UBE2O: variants seen among roughly 807,000 people sequenced by gnomAD.
UBE2O encodes (E3-independent) E2 ubiquitin-conjugating enzyme.
Under a neutral mutation model 125.8 loss-of-function variants are expected in UBE2O, and 15 were observed. The ratio of observed to expected loss-of-function variants is 0.12; its 90% CI spans 0.08 to 0.18. The LOEUF is 0.18. Among genes scored for constraint, UBE2O ranks in the 10% least tolerant of loss-of-function variants. UBE2O has a pLI of 1.00. For missense variants in UBE2O, 1,280 were observed against 1,723.6 expected, an observed-to-expected ratio of 0.74 and a Z score of 4.56; for synonymous variants, 708 against 703.2, an observed-to-expected ratio of 1.01 and a Z score of -0.11.
At chr17:76,403,277 TA>T (rs778598797) in intron 3 of UBE2O, among the ~76,000 whole-genome samples, 3 of 152,134 alleles carry the variant, frequency 2.0e-5, no homozygotes, top group African/African-American at 4.8e-5. Flanking sequence ...ACTTTATTAT[TA>T]TTTTTTTTAG....
intron 5 of UBE2O, among the ~76,000 whole-genome samples, chr17:76,401,473 T>G (rs937629002): frequency 6.6e-6 from 1 of 152,226 alleles, no homozygotes; most frequent in South Asian, 2.1e-4. Flanking sequence ...TATATCTACT[T>G]GTTTGCTGTG....
Position 76,450,004 on chromosome 17 carries a change from T to C in UBE2O, c.417+2721A>G, listed in dbSNP as rs192746119. On this transcript the variant is annotated intron_variant, in intron 1 of 17. Coordinates refer to ENST00000319380, the MANE Select transcript of UBE2O (RefSeq NM_022066.4). ...TACCTGGGAGGCTGAGGCAGGAGGA[T>C]TGTGTGAGACCAGGAATTCAAGGAC... 1.3e-3 allele frequency among the ~76,000 whole-genome samples: 201 copies of C among 152,000 alleles called. 1 individual carries two copies. Among genetic ancestry groups the C allele is most frequent in the African/African-American group, 4.6e-3 (192 of 41,434 alleles).
In UBE2O at chr17:76,389,929, G is replaced by GCTT. The variant is rs778963286; in HGVS notation, c.*1011_*1013dup. 2.0e-5 allele frequency: 3 copies of GCTT among 152,516 alleles called. No individual in the cohort carries two copies. Among genetic ancestry groups the GCTT allele is most frequent in the Non-Finnish European group, 2.9e-5 (2 of 68,044 alleles). The allele number at this position is 152,516 out of a possible 1,614,324, so 9.4% of individuals were successfully genotyped here. On this transcript the variant is annotated 3_prime_UTR_variant, in exon 18 of 18. Transcript: ENST00000319380. The stretch of plus-strand genomic sequence containing the variant: ...CTCAACAGCATCCTCTCGGCCTGGA[G>GCTT]CTTCACATTATCAAAAGCTTAGAAA...
At position 76,410,197 on chromosome 17, in the gene UBE2O, C is replaced by T. The variant is rs1263930509; in HGVS notation, c.418-4625G>A. Among the ~76,000 whole-genome samples, 1 of 152,088 alleles carries T rather than the reference C, an allele frequency of 6.6e-6. No homozygotes were observed. The highest frequency in any genetic ancestry group is 1.5e-5 in the Non-Finnish European group (1 of 68,022). ...GCAAGATGGAAGCCCCTGAAGGCCT[C>T]CACTCAGAGCCCTGCCTGATGGTGA... On this transcript the variant is annotated intron_variant, in intron 1 of 17. Transcript: ENST00000319380. This position sits in a 1 kb window ranked among gnomAD's most constrained non-coding sequence, Gnocchi z 4.0.
chr17:76,424,346 T>C (rs1054018295), intron 1 of UBE2O, among the ~76,000 whole-genome samples: 6 of 151,014 alleles, frequency 4.0e-5, no homozygotes, highest in African/African-American at 1.5e-4. Flanking sequence ...GTAGCTGGGA[T>C]TACAAGTGTG....
chr17:76,426,838 A>T (rs1280803432), intron 1 of UBE2O, among the ~76,000 whole-genome samples: 1 of 152,116 alleles, frequency 6.6e-6, no homozygotes, highest in Admixed American at 6.5e-5. Flanking sequence ...TCTGGATACC[A>T]TTACTGTCCG....
At chr17:76,428,456 C>T (rs983849500) in intron 1 of UBE2O, among the ~76,000 whole-genome samples, 2 of 152,124 alleles carry the variant, frequency 1.3e-5, no homozygotes, top group African/African-American at 2.4e-5. Flanking sequence ...TTTTAATTTC[C>T]GAGAACTCTT....
rs371797000 is a variant in UBE2O, at chr17:76,410,375, G to A, written c.418-4803C>T. 5.3e-5 allele frequency among the ~76,000 whole-genome samples: 8 copies of A among 152,138 alleles called. No homozygotes were observed. The East Asian group carries it at 1.5e-3, about 29-fold the overall frequency. ...GACACTTTCGGTGGTCATAAAGGGT[G>A]GTGGGGGTTCTGGTATCTAGTGGGC... On this transcript the variant is annotated intron_variant, in intron 1 of 17. Transcript: ENST00000319380. The surrounding 1 kb of genome is among the most constrained non-coding windows in gnomAD (Gnocchi z 4.0).
At chr17:76,424,739 A>T (rs2072776212) in intron 1 of UBE2O, among the ~76,000 whole-genome samples, 1 of 151,888 alleles carries the variant, frequency 6.6e-6, no homozygotes, top group African/African-American at 2.4e-5. Flanking sequence ...GGATCCCTTA[A>T]GCCAGGTGTT....
chr17:76,412,541 C>G (rs1391654726), intron 1 of UBE2O, among the ~76,000 whole-genome samples: 1 of 152,100 alleles, frequency 6.6e-6, no homozygotes, highest in African/African-American at 2.4e-5. Flanking sequence ...TAACCAGCCT[C>G]TCTCCCTCCC....
chr17:76,397,294 G>A (rs776387974), intron 13 of UBE2O, among the ~76,000 whole-genome samples: 5 of 152,174 alleles, frequency 3.3e-5, no homozygotes, highest in African/African-American at 7.2e-5. Context: ...AGCCATTCCC[G>A]CCCCCACTCC....
Position 76,399,862 on chromosome 17 carries a change from C to G in UBE2O, c.1215G>C (p.Gln405His), listed in dbSNP as rs201152699. Residue 405 changes from glutamine (Q) to histidine (H), a missense_variant, in exon 9 of 18, where the codon CAG becomes CAC. Around this residue, in one of 10 missense-constraint regions of UBE2O, gnomAD observed 141 missense variants for 141.3 expected, o/e 1.00. Transcript: ENST00000319380. The surrounding 1 kb of genome is among the most constrained non-coding windows in gnomAD (Gnocchi z 6.9). ...VRIMSCSPDT[Q>H]CSRDHSMEDP... The stretch of plus-strand genomic sequence containing the variant: ...CTTCCATGGAATGGTCCCGGGAACA[C>G]TGGGTGTCTGGGGAGCATGACATGA... 3 of 1,613,734 alleles carry G rather than the reference C, an allele frequency of 1.9e-6. No homozygotes were observed. Among genetic ancestry groups the G allele is most frequent in the Non-Finnish European group, 2.5e-6 (3 of 1,179,822 alleles).
At chr17:76,447,312 A>C (rs1246375842) in intron 1 of UBE2O, among the ~76,000 whole-genome samples, 1 of 152,202 alleles carries the variant, frequency 6.6e-6, no homozygotes, top group African/African-American at 2.4e-5. Context: ...TGGGCAATTT[A>C]CTTAACCTCT....
intron 1 of UBE2O, among the ~76,000 whole-genome samples, chr17:76,406,692 G>T (rs1417583840): frequency 2.3e-4 from 16 of 70,916 alleles, no homozygotes; most frequent in South Asian, 5.7e-4. Flanking sequence ...AGCCCAAGTT[G>T]TTTTTTTTTT....
At chr17:76,416,032 T>TGTGTGTAC (rs2072604007) in intron 1 of UBE2O, among the ~76,000 whole-genome samples, 1 of 141,634 alleles carries the variant, frequency 7.1e-6, no homozygotes, top group African/African-American at 2.6e-5. Flanking sequence ...CACACACGTA[T>TGTGTGTAC]ATATGTGTGT....
At chr17:76,411,861 T>C (rs1253153604) in intron 1 of UBE2O, among the ~76,000 whole-genome samples, 2 of 152,016 alleles carry the variant, frequency 1.3e-5, no homozygotes, top group African/African-American at 2.4e-5. Context: ...TTTTATTTTT[T>C]TTGTAGAGAC....
At chr17:76,397,416 G>C (rs1386508833) in intron 13 of UBE2O, among the ~76,000 whole-genome samples, 1 of 152,206 alleles carries the variant, frequency 6.6e-6, no homozygotes, top group Non-Finnish European at 1.5e-5. Context: ...GGTGGGGCTA[G>C]AACTGGGTCG....
intron 1 of UBE2O, among the ~76,000 whole-genome samples, chr17:76,416,483 T>C (rs550654291): frequency 3.3e-5 from 5 of 152,272 alleles, no homozygotes; most frequent in South Asian, 2.1e-4. Flanking sequence ...TGTTCCCCTG[T>C]AGCTATGCTC....
intron 1 of UBE2O, among the ~76,000 whole-genome samples, chr17:76,435,417 T>TACACACACACACACACACACAC (rs59781051): frequency 4.2e-5 from 4 of 96,318 alleles, no homozygotes; most frequent in African/African-American, 8.6e-5. Context: ...CACACACACA[T>TACACACACACACACACACACAC]ACACACACAC....
Sources: gnomAD v4.1 joint callset for allele counts (sites outside exome capture counted in the v4.1 genomes callset) on GRCh38, gnomAD v4.1.1 for gene constraint, gnomAD v4.1.1 regional missense constraint, Gnocchi (gnomAD v3.1) non-coding constraint, MANE v1.5 for transcripts, NCBI Gene and HGNC (gene_info 2026-07-23, HGNC 2026-07-21) for gene names.